Variants in HINFP observed in about 807,000 individuals in gnomAD.
HINFP encodes MBD2 (methyl-CpG-binding protein)-interacting zinc finger protein.
In HINFP, 20 loss-of-function variants were observed where a neutral mutation model predicts 50.1. The observed-to-expected ratio is 0.40, with a 90% CI of 0.28 to 0.58. HINFP has a LOEUF of 0.58. Among genes scored for constraint, HINFP ranks in the 20% least tolerant of loss-of-function variants. HINFP has a pLI of 0.45. For synonymous variants in HINFP, 247 were observed against 243.7 expected (o/e 1.01, Z -0.13); for missense variants, 505 against 664.1 (o/e 0.76, Z 2.63).
rs34072901 is a variant in HINFP, at chr11:119,131,976, T to C, written c.670T>C (p.Leu224=). ...AGATCACATCCGTCGCCAGACCTCA[T>C]TGGATCGTAAGTAGTCAGAGGAAGT... ...FLDHIRRQTS[L]DQQHFQCSHC... Residue 224 remains leucine, a synonymous_variant, in exon 5 of 10, where the codon TTG becomes CTG. Transcript: ENST00000350777. This position sits in a 1 kb window ranked among gnomAD's most constrained non-coding sequence, Gnocchi z 4.2. The C allele has an allele frequency of 1.1e-3, 1,845 of 1,613,960 alleles. 16 individuals are homozygous for C. The African/African-American group carries it at 0.021, about 19-fold the overall frequency.
At chr11:119,132,216 G>T (rs1947801588) in intron 5 of HINFP, 3 of 619,044 alleles carry the variant, frequency 4.8e-6, no homozygotes, top group Admixed American at 5.9e-5. Context: ...GCCCCATGAG[G>T]TAGGCTTCTT....
chr11:119,133,840 C>CA (rs1169693855), intron 9 of HINFP: 7 of 590,948 alleles, frequency 1.2e-5, no homozygotes, highest in African/African-American at 1.9e-5. Flanking sequence ...CCCTCCAACA[C>CA]AGTCAGTCAG....
At chr11:119,126,763 A>G (rs1157583292) in intron 1 of HINFP, 172 bp from the exon 2 acceptor site, 4 of 560,982 alleles carry the variant, frequency 7.1e-6, no homozygotes, top group Non-Finnish European at 1.2e-5. Flanking sequence ...AACACCAGAC[A>G]TCTTCCAGGG....
At chr11:119,132,109 G>T in intron 5 of HINFP, 127 bp downstream of exon 5, 1 of 969,580 alleles carries the variant, frequency 1.0e-6, no homozygotes, top group Non-Finnish European at 1.6e-6. Context: ...TTGGGCTCAG[G>T]CACCTCCCAT....
chr11:119,126,656 G>C (rs1180711359), intron 1 of HINFP: 1 of 266,116 alleles, frequency 3.8e-6, no homozygotes, highest in African/African-American at 2.2e-5. Context: ...TTCTTGGTGG[G>C]TTGCTCTGAA....
At chr11:119,125,011 T>G (rs1178974137) in intron 1 of HINFP, 1 of 143,284 alleles carries the variant, frequency 7.0e-6, no homozygotes, top group Non-Finnish European at 1.5e-5. Context: ...GAACCTTTAG[T>G]TTTTTGTTTG....
intron 1 of HINFP, chr11:119,125,762 CT>C (rs1357478667): frequency 6.6e-6 from 1 of 152,154 alleles, no homozygotes; most frequent in Non-Finnish European, 1.5e-5. Context: ...ACAGATACGG[CT>C]TTTTATGTTC....
In HINFP at chr11:119,127,428, T is replaced by A. The variant is rs1000925127; in HGVS notation, c.181+303T>A. 5.5e-5 allele frequency: 11 copies of A among 200,278 alleles called. No individual in the cohort carries two copies. The South Asian group carries it at 1.3e-3, about 24-fold the overall frequency. 12.4% of individuals were successfully genotyped at this position (200,278 alleles called of 1,614,324 possible). Reference sequence around the variant, plus strand: ...AAATACAGATGAATGTGCTTTTTTTTAATCATTCTGTACAAGTTGTTGGCA... The same window carrying A: ...AAATACAGATGAATGTGCTTTTTTTAAATCATTCTGTACAAGTTGTTGGCA... On this transcript the variant is annotated intron_variant, in intron 2 of 9. Transcript: ENST00000350777.
At position 119,130,861 on chromosome 11, in the gene HINFP, G is replaced by C. The variant is rs1473189967; in HGVS notation, c.318G>C (p.Gln106His). 6.2e-7 allele frequency: 1 copy of C among 1,614,212 alleles called. No individual in the cohort carries two copies. ...KQWGLQALQS[Q>H]ADLGPCILDF... ...GGGGGCTGCAGGCCTTGCAAAGCCA[G>C]GCTGACCTTGGCCCCTGCATCCTGG... Residue 106 changes from glutamine to histidine, a missense_variant, in exon 3 of 10, where the codon CAG (glutamine) becomes CAC (histidine). Transcript: ENST00000350777.
At chr11:119,126,601 C>T (rs1407945069) in intron 1 of HINFP, 1 of 182,382 alleles carries the variant, frequency 5.5e-6, no homozygotes, top group Non-Finnish European at 1.1e-5. Flanking sequence ...CAAAAGCCAT[C>T]TGTTTGAACC....
rs1174844499 is a variant in HINFP, at chr11:119,123,128, C to CAAAAAAAAAAAAAAAAAAAAAAAA, written c.-11+1512_-11+1513insAAAAAAAAAAAAAAAAAAAAAAAA. Among the ~76,000 whole-genome samples, 2 of 76,816 alleles carry CAAAAAAAAAAAAAAAAAAAAAAAA rather than the reference C, an allele frequency of 2.6e-5. 1 individual carries two copies. The highest frequency in any genetic ancestry group is 4.5e-5 in the Non-Finnish European group (2 of 44,616). 50.4% of individuals were successfully genotyped at this position (76,816 alleles called of 152,430 possible). A position where few individuals can be genotyped will look rare whatever the true frequency, so the allele number is the denominator to read the frequency against. On this transcript the variant is annotated intron_variant, in intron 1 of 9. Transcript: ENST00000350777. ...GGGCGACAGAGCAAGACTCCATCTC[C>CAAAAAAAAAAAAAAAAAAAAAAAA]AAAAAAAAAAAAAAAAAAAAAAAGA...
Position 119,131,854 on chromosome 11 carries a change from G to T in HINFP, c.548G>T (p.Arg183Leu), listed in dbSNP as rs375322169. ...WKGCTCTFKD[R>L]SKLREHLRSH... is the part of the protein sequence containing the mutation. ...GGCTGTACCTGCACCTTCAAGGACCGCAGTAAACTTCGAGAGCACCTCCGC... is the reference window on the plus strand; with the variant it reads ...GGCTGTACCTGCACCTTCAAGGACCTCAGTAAACTTCGAGAGCACCTCCGC... Residue 183 changes from arginine (R) to leucine (L), a missense_variant, in exon 5 of 10, where the codon CGC becomes CTC. Transcript: ENST00000350777. The surrounding 1 kb of genome is among the most constrained non-coding windows in gnomAD (Gnocchi z 4.2). 1.9e-6 allele frequency: 3 copies of T among 1,613,974 alleles called. No homozygotes were observed. The highest frequency in any genetic ancestry group is 2.5e-6 in the Non-Finnish European group (3 of 1,180,048).
chr11:119,128,312 A>AT lies in HINFP; in HGVS notation c.181+1197dup, dbSNP rs1292483347. Among the ~76,000 whole-genome samples, 477 of 148,154 alleles carry AT rather than the reference A, an allele frequency of 3.2e-3. 2 individuals are homozygous for AT. The highest frequency in any genetic ancestry group is 4.9e-3 in the Non-Finnish European group (326 of 66,716). The stretch of plus-strand genomic sequence containing the variant: ...TGTGTTAAGTATTGCTGGGTACTTT[A>AT]TTTTTTTTTTGAGATGGAGTCTCAT... On this transcript the variant is annotated intron_variant, in intron 2 of 9. Transcript: ENST00000350777.
intron 9 of HINFP, 164 bp downstream of exon 9, chr11:119,133,383 A>T (rs1164067167): frequency 1.3e-6 from 1 of 751,938 alleles, no homozygotes; most frequent in Non-Finnish European, 2.2e-6. Context: ...GTTCGAGACC[A>T]GCCTGGCCAA....
Position 119,136,048 on chromosome 11 carries a change from AG to A in HINFP, c.*1551del, listed in dbSNP as rs67471292. 0.35 allele frequency: 53,394 copies of A among 150,982 alleles called. 10,647 individuals carry two copies. The highest frequency in any genetic ancestry group is 0.72 in the East Asian group (3,686 of 5,118). 9.4% of individuals were successfully genotyped at this position (150,982 alleles called of 1,614,324 possible). ...CTCAAATAAATAAATAAATAAAGAAAGAAAAGAAAAACTGTGTGTGTCTATT... is the reference window on the plus strand; with the variant it reads ...CTCAAATAAATAAATAAATAAAGAAAAAAAGAAAAACTGTGTGTGTCTATT... On this transcript the variant is annotated 3_prime_UTR_variant, in exon 10 of 10. Transcript: ENST00000350777.
chr11:119,131,818 C>T lies in HINFP; in HGVS notation c.524-12C>T, dbSNP rs747166308. 1 of 1,613,222 alleles carries T rather than the reference C, an allele frequency of 6.2e-7. No homozygotes were observed. The highest frequency in any genetic ancestry group is 8.5e-7 in the Non-Finnish European group (1 of 1,179,880). On this transcript the variant is annotated splice_polypyrimidine_tract_variant and intron_variant, in intron 4 of 9. Coordinates refer to ENST00000350777, the MANE Select transcript of HINFP (RefSeq NM_198971.3). The surrounding 1 kb of genome is among the most constrained non-coding windows in gnomAD (Gnocchi z 4.2). Reference sequence around the variant, plus strand: ...GTTTTGTGGCAGGAGACTGATAGGGCTTCCTTCCCAGGCTGTACCTGCACC... The same window carrying T: ...GTTTTGTGGCAGGAGACTGATAGGGTTTCCTTCCCAGGCTGTACCTGCACC...
Position 119,135,178 on chromosome 11 carries a change from T to G in HINFP, c.*680T>G, listed in dbSNP as rs769153353. 6.6e-6 allele frequency: 1 copy of G among 152,422 alleles called. No individual in the cohort carries two copies. Among genetic ancestry groups the G allele is most frequent in the African/African-American group, 2.4e-5 (1 of 41,444 alleles). The allele number at this position is 152,422 out of a possible 1,614,324, so 9.4% of individuals were successfully genotyped here. On this transcript the variant is annotated 3_prime_UTR_variant, in exon 10 of 10. Transcript: ENST00000350777. ...TGACTCAGGTGGTTTGTTTTTTGTT[T>G]GCTTAACTGTCCTGTTGTCTTCTCC...
Position 119,132,975 on chromosome 11 carries a change from C to G in HINFP, c.987C>G (p.Ile329Met). ...CTFSARSLCS[I>M]KSHYRKVHEG... The stretch of plus-strand genomic sequence containing the variant: ...TCAGTGCCCGATCCCTCTGCTCTAT[C>G]AAGTCCCATTACCGCAAAGTACATG... The change falls in exon 8 of 10, where the codon ATC becomes ATG. Residue 329 changes from isoleucine (I) to methionine (M), a missense_variant. By Grantham distance (10) the Ile-to-Met change is conservative. Coordinates refer to ENST00000350777, the MANE Select transcript of HINFP (RefSeq NM_198971.3). 6.2e-7 allele frequency: 1 copy of G among 1,614,260 alleles called. No individual in the cohort carries two copies. Among genetic ancestry groups the G allele is most frequent in the Non-Finnish European group, 8.5e-7 (1 of 1,180,044 alleles).
intron 2 of HINFP, 97 bp from the exon 3 acceptor site, chr11:119,130,628 G>T: frequency 9.5e-7 from 1 of 1,053,688 alleles, no homozygotes; most frequent in Non-Finnish European, 1.4e-6. Context: ...GCCTCCTCAC[G>T]AGTCCAGCCT....
Sources: gnomAD v4.1 joint callset for allele counts (sites outside exome capture counted in the v4.1 genomes callset) on GRCh38, gnomAD v4.1.1 for gene constraint, Gnocchi (gnomAD v3.1) non-coding constraint, MANE v1.5 for transcripts, NCBI Gene and HGNC (gene_info 2026-07-23, HGNC 2026-07-21) for gene names.